TBC1D2B: variants seen among roughly 807,000 people sequenced by gnomAD.
The protein encoded by TBC1D2B is TBC1 domain family member 2B, also known as TBC1 domain family, member 2B.
Under a neutral mutation model 100.8 loss-of-function variants are expected in TBC1D2B, and 64 were observed. That is an observed-to-expected ratio of 0.64 (90% CI 0.52 to 0.78). The LOEUF (loss-of-function observed/expected upper bound fraction) is 0.78, where lower values mean the gene tolerates loss of function less well. TBC1D2B is among the 30% of genes least tolerant of loss of function. The probability of loss-of-function intolerance (pLI) is 0.00; values close to 1 mark genes in which losing one functional copy is unlikely to be tolerated. For synonymous variants in TBC1D2B, 480 were observed against 479.7 expected (o/e 1.00, Z -0.01); for missense variants, 1,052 against 1,218.4 (o/e 0.86, Z 2.03).
At chr15:78,001,495 C>T (rs1430391958) in intron 12 of TBC1D2B, 124 bp downstream of exon 12, 1 of 1,191,294 alleles carries the variant, frequency 8.4e-7, no homozygotes, top group East Asian at 2.9e-5. Context: ...AAAGCAATGC[C>T]CTCTCCAACA....
chr15:78,057,672 A>T (rs940353597), intron 1 of TBC1D2B, among the ~76,000 whole-genome samples: 15 of 152,172 alleles, frequency 9.9e-5, no homozygotes, highest in African/African-American at 3.6e-4. Flanking sequence ...AGAGATCACT[A>T]GAAGACTTTT....
Position 78,038,474 on chromosome 15 carries a change from G to T in TBC1D2B, c.683+6426C>A, listed in dbSNP as rs532093526. Among the ~76,000 whole-genome samples, 4 of 152,324 alleles carry T rather than the reference G, an allele frequency of 2.6e-5. No homozygotes were observed. The South Asian group carries it at 8.3e-4, about 32-fold the overall frequency. The stretch of plus-strand genomic sequence containing the variant: ...TGAAGAACTGAAAGAAGTCAAGTGG[G>T]CCTGCAACAGAGGAAATGACAGGGG... On this transcript the variant is annotated intron_variant, in intron 3 of 12. Coordinates refer to ENST00000300584, the MANE Select transcript of TBC1D2B (RefSeq NM_144572.2).
intron 2 of TBC1D2B, among the ~76,000 whole-genome samples, chr15:78,049,982 T>C (rs2073277644): frequency 6.6e-6 from 1 of 152,168 alleles, no homozygotes; most frequent in Admixed American, 6.5e-5. Flanking sequence ...GAACGCATGG[T>C]ATTTTGCAGC....
At chr15:78,062,276 A>C (rs2073563194) in intron 1 of TBC1D2B, among the ~76,000 whole-genome samples, 1 of 152,206 alleles carries the variant, frequency 6.6e-6, no homozygotes, top group South Asian at 2.1e-4. Flanking sequence ...AAGCAAAGAA[A>C]ATATGTGTCT....
chr15:78,003,318 T>A lies in TBC1D2B; in HGVS notation c.2561A>T (p.Tyr854Phe). The A allele has an allele frequency of 1.2e-6, 2 of 1,613,554 alleles. No homozygotes were observed. The highest frequency in any genetic ancestry group is 1.7e-6 in the Non-Finnish European group (2 of 1,179,638). The change falls in exon 11 of 13, where the codon TAT becomes TTT. Residue 854 changes from tyrosine (Y) to phenylalanine (F), a missense_variant. This residue lies in a region of TBC1D2B where 373 missense variants were observed against 464.9 expected (regional missense o/e 0.80). Transcript: ENST00000300584. The stretch of plus-strand genomic sequence containing the variant: ...GAGCTAACTCACCTTTGGTCCTTCA[T>A]AAAGGAAAGAGTCCCATATTTTAAA... ...ILFKIWDSFL[Y>F]EGPKVIFRFA...
intron 3 of TBC1D2B, among the ~76,000 whole-genome samples, chr15:78,042,955 G>A (rs1230233683): frequency 6.6e-6 from 1 of 152,126 alleles, no homozygotes. Context: ...CCAAGAAGGT[G>A]GGACTGCAGC....
At chr15:78,023,034 T>G (rs991333086) in intron 6 of TBC1D2B, among the ~76,000 whole-genome samples, 2 of 152,128 alleles carry the variant, frequency 1.3e-5, no homozygotes, top group Non-Finnish European at 2.9e-5. Flanking sequence ...ATTCCGGTGT[T>G]TTTACTTCTG....
intron 1 of TBC1D2B, 21 bp downstream of exon 1, chr15:78,077,272 C>T (rs1443463945): frequency 1.4e-6 from 2 of 1,445,960 alleles, no homozygotes; most frequent in East Asian, 5.9e-5. Context: ...GCGCGGGCGG[C>T]TTTGGGGCGA....
At chr15:78,019,480 C>T (rs2072458483) in intron 6 of TBC1D2B, among the ~76,000 whole-genome samples, 1 of 152,154 alleles carries the variant, frequency 6.6e-6, no homozygotes, top group Non-Finnish European at 1.5e-5. Flanking sequence ...TCAGCCTGAG[C>T]ACATTCAAGT....
chr15:78,069,002 TG>T (rs71145893), intron 1 of TBC1D2B, among the ~76,000 whole-genome samples: 152,322 of 152,322 alleles, frequency 1, 76,161 homozygotes, highest in Non-Finnish European at 1. Flanking sequence ...TCTACAATGG[TG>T]GGGGTCTTTT....
intron 1 of TBC1D2B, among the ~76,000 whole-genome samples, chr15:78,056,365 T>C (rs1019251074): frequency 3.3e-5 from 5 of 152,140 alleles, no homozygotes; most frequent in South Asian, 2.1e-4. Context: ...ATGGGGAACT[T>C]AGCAGGGCAC....
At chr15:78,076,855 T>C (rs1004365633) in intron 1 of TBC1D2B, among the ~76,000 whole-genome samples, 1 of 152,244 alleles carries the variant, frequency 6.6e-6, no homozygotes, top group South Asian at 2.1e-4. Flanking sequence ...ACTACTGTTA[T>C]CCCATTTTAC....
chr15:78,057,972 T>C (rs1359913170), intron 1 of TBC1D2B, among the ~76,000 whole-genome samples: 1 of 152,230 alleles, frequency 6.6e-6, no homozygotes, highest in Non-Finnish European at 1.5e-5. Context: ...AACCAGCCTC[T>C]TTATCGCCCC....
At chr15:78,003,963 TG>T (rs939189350) in intron 10 of TBC1D2B, among the ~76,000 whole-genome samples, 1 of 152,072 alleles carries the variant, frequency 6.6e-6, no homozygotes, top group African/African-American at 2.4e-5. Context: ...GCATGTGCAG[TG>T]GGGGTGGCGA....
chr15:78,011,557 A>G (rs1013487851), intron 9 of TBC1D2B, among the ~76,000 whole-genome samples: 2 of 147,710 alleles, frequency 1.4e-5, no homozygotes, highest in African/African-American at 5.0e-5. Context: ...CGCAGCCTCA[A>G]CCTCCTGGGC....
chr15:78,046,119 A>G (rs1037247806), intron 2 of TBC1D2B, among the ~76,000 whole-genome samples: 1 of 152,092 alleles, frequency 6.6e-6, no homozygotes, highest in African/African-American at 2.4e-5. Context: ...TTTAGTACAG[A>G]CGAGGTTTCA....
intron 12 of TBC1D2B, 33 bp downstream of exon 12, chr15:78,001,586 C>A: frequency 6.3e-7 from 1 of 1,588,850 alleles, no homozygotes; most frequent in South Asian, 1.2e-5. Flanking sequence ...GCTTCCTGCT[C>A]TCCTTGACAT....
At chr15:78,050,088 G>A (rs902724602) in intron 2 of TBC1D2B, among the ~76,000 whole-genome samples, 2 of 152,100 alleles carry the variant, frequency 1.3e-5, no homozygotes, top group Non-Finnish European at 2.9e-5. Context: ...CACTGCCAAC[G>A]CGGGGCCTGC....
intron 4 of TBC1D2B, among the ~76,000 whole-genome samples, chr15:78,027,018 A>T (rs566131156): frequency 1.3e-5 from 2 of 152,286 alleles, no homozygotes; most frequent in East Asian, 3.9e-4. Flanking sequence ...TAGAAGTTCA[A>T]GGCCAGCCTA....
Sources: allele counts gnomAD v4.1 joint callset (sites outside exome capture counted in the v4.1 genomes callset), GRCh38; gene constraint gnomAD v4.1.1; regional missense constraint gnomAD v4.1.1; transcripts MANE v1.5; gene names NCBI Gene and HGNC (gene_info 2026-07-23, HGNC 2026-07-21).